ME2: variants seen among roughly 807,000 people sequenced by gnomAD.
ME2 encodes the protein malic enzyme 2.
ME2 carries 60 observed loss-of-function variants against 73.7 expected under a neutral mutation model. The observed-to-expected ratio is 0.81, with a 90% CI of 0.66 to 1.01. The LOEUF is 1.01. Ranked by LOEUF, ME2 falls within the 50% of genes least tolerant of loss-of-function variation. The pLI, the probability that ME2 is intolerant of heterozygous loss-of-function variation, is 0.00. For missense variants in ME2, 594 were observed against 705.5 expected (o/e 0.84, Z 1.79); for synonymous variants, 199 against 236.9 (o/e 0.84, Z 1.47).
intron 12 of ME2, among the ~76,000 whole-genome samples, chr18:50,926,196 A>C (rs1346935263): frequency 2.0e-5 from 3 of 152,202 alleles, no homozygotes; most frequent in Non-Finnish European, 4.4e-5. Flanking sequence ...ATTTACCTAC[A>C]CTTTAATTTA....
In ME2 at chr18:50,950,296, C is replaced by T. The variant is rs1918192991; in HGVS notation, c.*3112C>T. 1 of 152,076 alleles carries T rather than the reference C, an allele frequency of 6.6e-6. No homozygotes were observed. Among genetic ancestry groups the T allele is most frequent in the Non-Finnish European group, 1.5e-5 (1 of 68,028 alleles). 9.4% of individuals were successfully genotyped at this position (152,076 alleles called of 1,614,324 possible). A position where few individuals can be genotyped will look rare whatever the true frequency, so the allele number is the denominator to read the frequency against. The stretch of plus-strand genomic sequence containing the variant: ...AAATGCAGGTGCCTTTGCTCCTCCT[C>T]CCTCCAGGCCCCCGGGGGCAGAGCC... On this transcript the variant is annotated 3_prime_UTR_variant, in exon 16 of 16. Coordinates refer to ENST00000321341, the MANE Select transcript of ME2 (RefSeq NM_002396.5).
At chr18:50,911,266 GTCT>G (rs1917148683) in intron 3 of ME2, among the ~76,000 whole-genome samples, 1 of 152,148 alleles carries the variant, frequency 6.6e-6, no homozygotes, top group Admixed American at 6.5e-5. Flanking sequence ...CTGCAGAGAA[GTCT>G]TCTTCCCTTT....
chr18:50,926,706 G>T (rs1461889079), intron 12 of ME2, among the ~76,000 whole-genome samples: 3 of 151,994 alleles, frequency 2.0e-5, no homozygotes, highest in Non-Finnish European at 4.4e-5. Context: ...CTTGCTTTCT[G>T]TGTTTCAATC....
chr18:50,912,694 A>G, intron 3 of ME2, 107 bp from the exon 4 acceptor site: 4 of 938,948 alleles, frequency 4.3e-6, no homozygotes, highest in South Asian at 3.1e-5. Context: ...GTGATGTGAG[A>G]ATGGGGCTCA....
At chr18:50,916,536 A>G (rs1467543000) in intron 5 of ME2, 2 of 227,388 alleles carry the variant, frequency 8.8e-6, no homozygotes, top group African/African-American at 4.5e-5. Context: ...TTTCACTAAT[A>G]TTATTCTAGG....
chr18:50,921,801 A>G (rs1307551444), intron 10 of ME2, among the ~76,000 whole-genome samples: 1 of 152,186 alleles, frequency 6.6e-6, no homozygotes, highest in Non-Finnish European at 1.5e-5. Context: ...TATCCCCAGG[A>G]AAAAAGCATG....
chr18:50,941,402 T>C (rs1917956904), intron 15 of ME2, among the ~76,000 whole-genome samples: 1 of 117,692 alleles, frequency 8.5e-6, no homozygotes, highest in Admixed American at 1.1e-4. Flanking sequence ...AGTCTTGCTC[T>C]GTCACCCAGG....
At chr18:50,929,275 T>C (rs1917636821) in intron 12 of ME2, among the ~76,000 whole-genome samples, 1 of 151,446 alleles carries the variant, frequency 6.6e-6, no homozygotes, top group African/African-American at 2.4e-5. Flanking sequence ...GGCCAGGAGT[T>C]CAAGATCTGC....
rs1918170106 is a variant in ME2 at position 50,949,438 on chromosome 18, C to G, written c.*2254C>G. The G allele has an allele frequency of 1.3e-5, 2 of 152,314 alleles. No homozygotes were observed. Among genetic ancestry groups the G allele is most frequent in the Admixed American group, 6.5e-5 (1 of 15,292 alleles). 9.4% of individuals were successfully genotyped at this position (152,314 alleles called of 1,614,324 possible). A position where few individuals can be genotyped will look rare whatever the true frequency, so the allele number is the denominator to read the frequency against. On this transcript the variant is annotated 3_prime_UTR_variant, in exon 16 of 16. Coordinates refer to ENST00000321341, the MANE Select transcript of ME2 (RefSeq NM_002396.5). Reference sequence around the variant, plus strand: ...AGCCTGGAACTCCTGGGTTCAAGCTCTCCTCCTGCCTCAGCCTCCTGAGCA... The same window carrying G: ...AGCCTGGAACTCCTGGGTTCAAGCTGTCCTCCTGCCTCAGCCTCCTGAGCA...
At chr18:50,918,758 A>G (rs981725115) in intron 7 of ME2, among the ~76,000 whole-genome samples, 8 of 146,018 alleles carry the variant, frequency 5.5e-5, no homozygotes, top group African/African-American at 1.8e-4. Flanking sequence ...CTAAATGTGG[A>G]TAACTACCTA....
At chr18:50,887,871 TC>T (rs1193624534) in intron 1 of ME2, among the ~76,000 whole-genome samples, 4 of 152,092 alleles carry the variant, frequency 2.6e-5, no homozygotes, top group African/African-American at 9.7e-5. Context: ...TTAGAAAAGA[TC>T]TTTAAAATAA....
At chr18:50,917,039 T>G (rs780086538) in intron 5 of ME2, 68 of 194,362 alleles carry the variant, frequency 3.5e-4, no homozygotes, top group Middle Eastern at 2.0e-3. Context: ...AATCTCTCCA[T>G]CAGAATCTTG....
chr18:50,921,950 T>C (rs1179771751), intron 10 of ME2, among the ~76,000 whole-genome samples: 2 of 152,228 alleles, frequency 1.3e-5, no homozygotes, highest in Non-Finnish European at 1.5e-5. Flanking sequence ...GTGTAACACA[T>C]TGAATATAAG....
chr18:50,923,959 A>G, intron 10 of ME2, 139 bp from the exon 11 acceptor site: 1 of 568,770 alleles, frequency 1.8e-6, no homozygotes, highest in South Asian at 2.7e-5. Context: ...GTTGGAAGGT[A>G]TGGGTTGAAG....
Position 50,953,092 on chromosome 18 carries a change from CTTTTTTT to C in ME2, c.*5920_*5926del, listed in dbSNP as rs558021689. The C allele has an allele frequency of 7.5e-5, 10 of 133,532 alleles. No homozygotes were observed. The highest frequency in any genetic ancestry group is 4.8e-4 in the South Asian group (2 of 4,192). 8.3% of individuals were successfully genotyped at this position (133,532 alleles called of 1,614,324 possible). On this transcript the variant is annotated 3_prime_UTR_variant, in exon 16 of 16. Coordinates refer to ENST00000321341, the MANE Select transcript of ME2 (RefSeq NM_002396.5). Reference sequence around the variant, plus strand: ...CTTCAGATGAGAATTCTCACTTATTCTTTTTTTTTTTTTTTTTTCTTTTCTTTGAGAC... The same window carrying C: ...CTTCAGATGAGAATTCTCACTTATTCTTTTTTTTTTTCTTTTCTTTGAGAC...
At chr18:50,884,055 C>T (rs930482608) in intron 1 of ME2, among the ~76,000 whole-genome samples, 1 of 152,044 alleles carries the variant, frequency 6.6e-6, no homozygotes, top group African/African-American at 2.4e-5. Flanking sequence ...AGATATTAAG[C>T]CCACCTGTCT....
chr18:50,898,497 C>G (rs1916807220), intron 2 of ME2, among the ~76,000 whole-genome samples: 1 of 152,114 alleles, frequency 6.6e-6, no homozygotes, highest in South Asian at 2.1e-4. Flanking sequence ...ATGACACTAT[C>G]ATGGCTTACT....
At chr18:50,935,854 A>C (rs1201399452) in intron 13 of ME2, 11 of 151,778 alleles carry the variant, frequency 7.2e-5, no homozygotes, top group Admixed American at 7.2e-4. Context: ...TCCAGAATGC[A>C]GCACAGAGAG....
At chr18:50,901,508 G>T (rs1047102058) in intron 2 of ME2, among the ~76,000 whole-genome samples, 4 of 152,156 alleles carry the variant, frequency 2.6e-5, no homozygotes, top group South Asian at 2.1e-4. Context: ...TATAACAAAT[G>T]AATTGGCTAT....
Sources: allele counts gnomAD v4.1 joint callset (sites outside exome capture counted in the v4.1 genomes callset), GRCh38; gene constraint gnomAD v4.1.1; transcripts MANE v1.5; gene names NCBI Gene and HGNC (gene_info 2026-07-23, HGNC 2026-07-21).